The following COP1 variants were observed in gnomAD, a reference collection of about 807,000 sequenced individuals.
COP1 encodes the protein COP1 E3 ubiquitin ligase.
COP1 carries 24 observed loss-of-function variants against 101.3 expected under a neutral mutation model. That is an observed-to-expected ratio of 0.24 (90% confidence interval 0.17 to 0.33). The LOEUF (loss-of-function observed/expected upper bound fraction) is 0.33. COP1 is among the 10% of genes least tolerant of loss of function. The pLI, the probability that COP1 is intolerant of heterozygous loss-of-function variation, is 1.00. For missense variants in COP1, 663 were observed against 906.2 expected, an observed-to-expected ratio of 0.73 and a Z score of 3.45; for synonymous variants, 347 against 341.9, an observed-to-expected ratio of 1.01 and a Z score of -0.17.
chr1:175,965,106 TCTTCAGGGTGGG>T (rs1206180135), intron 18 of COP1, among the ~76,000 whole-genome samples: 5 of 152,270 alleles, frequency 3.3e-5, no homozygotes, highest in Admixed American at 2.0e-4. Context: ...TTTTTTTCTG[TCTTCAGGGTGGG>T]CTGTTACTAT....
At chr1:175,993,053 A>G (rs1659050473) in intron 15 of COP1, among the ~76,000 whole-genome samples, 2 of 152,182 alleles carry the variant, frequency 1.3e-5, no homozygotes, top group Admixed American at 1.3e-4. Context: ...AAACTTCCAG[A>G]GGAACGATCA....
At chr1:175,955,144 G>A (rs1650456658) in intron 18 of COP1, among the ~76,000 whole-genome samples, 1 of 152,092 alleles carries the variant, frequency 6.6e-6, no homozygotes, top group Non-Finnish European at 1.5e-5. Context: ...CTACCCAGAA[G>A]GTTGAGGTGG....
chr1:176,190,601 A>G (rs970333648), intron 1 of COP1, among the ~76,000 whole-genome samples: 18 of 151,972 alleles, frequency 1.2e-4, no homozygotes, highest in Non-Finnish European at 2.4e-4. Flanking sequence ...ATGCATTTAT[A>G]AGACATATCA....
At chr1:176,083,592 C>T (rs1239976724) in intron 10 of COP1, among the ~76,000 whole-genome samples, 3 of 152,168 alleles carry the variant, frequency 2.0e-5, no homozygotes, top group Non-Finnish European at 4.4e-5. Context: ...TATTCAATGT[C>T]TCTTTTCTTT....
intron 5 of COP1, among the ~76,000 whole-genome samples, chr1:176,151,391 AAGAAAGAAAG>A (rs1462710566): frequency 1.6e-5 from 2 of 125,442 alleles, no homozygotes; most frequent in African/African-American, 2.6e-5. Flanking sequence ...GAAAGAAAGA[AAGAAAGAAAG>A]AAAGAAAGAA....
At chr1:176,013,305 G>A (rs1475122063) in intron 15 of COP1, among the ~76,000 whole-genome samples, 7 of 152,130 alleles carry the variant, frequency 4.6e-5, no homozygotes, top group East Asian at 1.9e-4. Context: ...AAGAAAATAC[G>A]GTTCAGAAAT....
At chr1:176,076,186 A>T (rs1277873854) in intron 11 of COP1, among the ~76,000 whole-genome samples, 2 of 152,090 alleles carry the variant, frequency 1.3e-5, no homozygotes, top group African/African-American at 4.8e-5. Context: ...TCATCTGTAC[A>T]TGGAACATGT....
At chr1:176,087,549 A>T (rs970332722) in intron 9 of COP1, among the ~76,000 whole-genome samples, 3 of 152,256 alleles carry the variant, frequency 2.0e-5, no homozygotes, top group African/African-American at 7.2e-5. Flanking sequence ...TCAAAACCAC[A>T]ATGAGATACC....
At chr1:176,008,686 T>A (rs189298564) in intron 15 of COP1, among the ~76,000 whole-genome samples, 1 of 152,324 alleles carries the variant, frequency 6.6e-6, no homozygotes, top group East Asian at 1.9e-4. Context: ...GTGGCAACTG[T>A]GGACTCGGTT....
At chr1:176,104,322 T>A (rs1683934174) in intron 9 of COP1, among the ~76,000 whole-genome samples, 1 of 152,144 alleles carries the variant, frequency 6.6e-6, no homozygotes, top group African/African-American at 2.4e-5. Flanking sequence ...ATGTAATTTT[T>A]AAAAATTGAT....
At chr1:176,099,718 G>A (rs964676227) in intron 9 of COP1, among the ~76,000 whole-genome samples, 8 of 152,186 alleles carry the variant, frequency 5.3e-5, no homozygotes, top group Admixed American at 1.3e-4. Context: ...AGTCAAGCTC[G>A]ACTTGCAGAG....
intron 8 of COP1, among the ~76,000 whole-genome samples, chr1:176,128,919 G>A (rs1688466991): frequency 6.6e-6 from 1 of 151,818 alleles, no homozygotes; most frequent in South Asian, 2.1e-4. Context: ...GACTCACTAT[G>A]CAAAAATAGG....
chr1:176,175,998 A>G lies in COP1; in HGVS notation c.477T>C (p.Cys159=). 6.5e-7 allele frequency: 1 copy of G among 1,540,806 alleles called. No homozygotes were observed. Among genetic ancestry groups the G allele is most frequent in the Non-Finnish European group, 8.9e-7 (1 of 1,122,064 alleles). The change falls in exon 3 of 20, where the codon TGT becomes TGC. Residue 159 remains cysteine (C), a synonymous_variant. Coordinates refer to ENST00000367669, the MANE Select transcript of COP1 (RefSeq NM_022457.7). The part of the protein sequence containing the change: ...TKCGHSFCYK[C]IHQSLEDNNR... The stretch of plus-strand genomic sequence containing the variant: ...TATTGTCCTCCAAACTCTGATGAAT[A>G]CACTTGTAGCTATTAGTAGGGGGGG...
intron 15 of COP1, among the ~76,000 whole-genome samples, chr1:175,993,119 G>C (rs1330880373): frequency 6.6e-6 from 1 of 152,134 alleles, no homozygotes; most frequent in Non-Finnish European, 1.5e-5. Context: ...CCGCTGCTGG[G>C]ACCCAGGCAA....
intron 15 of COP1, among the ~76,000 whole-genome samples, chr1:175,991,697 A>AT (rs1658517677): frequency 6.6e-6 from 1 of 152,232 alleles, no homozygotes; most frequent in South Asian, 2.1e-4. Flanking sequence ...ACATTTCCTT[A>AT]TAAGTTAAAA....
chr1:176,071,699 C>T (rs954557158), intron 11 of COP1, among the ~76,000 whole-genome samples: 2 of 152,212 alleles, frequency 1.3e-5, no homozygotes, highest in Admixed American at 1.3e-4. Flanking sequence ...CAGCACACTG[C>T]TGACTACAAA....
chr1:176,133,068 G>A (rs1689143797), intron 8 of COP1, among the ~76,000 whole-genome samples: 1 of 134,814 alleles, frequency 7.4e-6, no homozygotes, highest in Non-Finnish European at 1.6e-5. Flanking sequence ...ATACACATAT[G>A]TACGTATATA....
chr1:176,194,502 G>A (rs1157234944), intron 1 of COP1, among the ~76,000 whole-genome samples: 1 of 152,088 alleles, frequency 6.6e-6, no homozygotes, highest in Non-Finnish European at 1.5e-5. Flanking sequence ...GCTGGGCATG[G>A]TGGCATGAGC....
At chr1:176,112,205 G>C (rs1011366280) in intron 9 of COP1, among the ~76,000 whole-genome samples, 3 of 148,144 alleles carry the variant, frequency 2.0e-5, no homozygotes, top group Non-Finnish European at 4.5e-5. Flanking sequence ...AAAAGTAAGT[G>C]CTACTCTAAA....
Sources: allele counts gnomAD v4.1 joint callset (sites outside exome capture counted in the v4.1 genomes callset), GRCh38; gene constraint gnomAD v4.1.1; transcripts MANE v1.5; gene names NCBI Gene and HGNC (gene_info 2026-07-23, HGNC 2026-07-21).